MYO9A: variants seen among roughly 807,000 people sequenced by gnomAD.
MYO9A encodes the protein myosin IXA.
In MYO9A, 103 loss-of-function variants were observed where a neutral mutation model predicts 293.3. The ratio of observed to expected loss-of-function variants is 0.35; its 90% confidence interval spans 0.30 to 0.41. The LOEUF (loss-of-function observed/expected upper bound fraction) is 0.41, where lower values mean the gene tolerates loss of function less well. Ranked by LOEUF, MYO9A falls within the 10% of genes least tolerant of loss-of-function variation. The pLI, the probability that MYO9A is intolerant of heterozygous loss-of-function variation, is 1.00. For missense variants in MYO9A, 2,685 were observed against 3,033.0 expected (o/e 0.89, Z 2.69); for synonymous variants, 1,001 against 1,035.7 (o/e 0.97, Z 0.64).
intron 1 of MYO9A, among the ~76,000 whole-genome samples, chr15:72,086,323 T>G (rs186155273): frequency 1.3e-5 from 2 of 152,050 alleles, no homozygotes; most frequent in South Asian, 4.1e-4. Flanking sequence ...GTGTGCACCC[T>G]CTGTGCACAT....
intron 39 of MYO9A, chr15:71,847,298 TG>T (rs2055428786): frequency 3.0e-6 from 1 of 333,884 alleles, no homozygotes; most frequent in Non-Finnish European, 6.7e-6. Flanking sequence ...GAACCTGACT[TG>T]GGGCCGAACA....
At chr15:71,868,623 C>T (rs7403191) in intron 32 of MYO9A, among the ~76,000 whole-genome samples, 44,657 of 151,892 alleles carry the variant, frequency 0.29, 7,132 homozygotes, top group East Asian at 0.59. Flanking sequence ...CTACCATAGA[C>T]AGAGAAGGGT....
intron 1 of MYO9A, among the ~76,000 whole-genome samples, chr15:72,109,574 A>G (rs1217534726): frequency 6.6e-6 from 1 of 152,138 alleles, no homozygotes; most frequent in Non-Finnish European, 1.5e-5. Flanking sequence ...AAAAGAAAAC[A>G]GAGTTGCAAA....
At chr15:71,873,041 C>A (rs1385250871) in intron 32 of MYO9A, among the ~76,000 whole-genome samples, 1 of 151,596 alleles carries the variant, frequency 6.6e-6, no homozygotes, top group Non-Finnish European at 1.5e-5. Context: ...GCCTCCCGAG[C>A]AGCTGGGATT....
chr15:71,903,850 A>G lies in MYO9A; in HGVS notation c.2877+79T>C, dbSNP rs2057552798. 4.7e-6 allele frequency: 6 copies of G among 1,266,240 alleles called. No individual in the cohort carries two copies. In the Admixed American group the frequency reaches 6.4e-5, roughly 14 times the overall value. The allele number at this position is 1,266,240 out of a possible 1,614,324, so 78.4% of individuals were successfully genotyped here. ...GAATTAAGGAAAATAAGTAAGCCCC[A>G]AAGAAATAATAAGCAAGATATGTGG... On this transcript the variant is annotated intron_variant, in intron 21 of 41. Coordinates refer to ENST00000356056, the MANE Select transcript of MYO9A (RefSeq NM_006901.4).
intron 2 of MYO9A, chr15:72,045,247 T>C (rs1168423868): frequency 6.8e-6 from 1 of 146,200 alleles, no homozygotes; most frequent in Non-Finnish European, 1.5e-5. Context: ...ATATCTGAAA[T>C]GTCTTCTATC....
intron 1 of MYO9A, among the ~76,000 whole-genome samples, chr15:72,110,696 AT>A (rs547545843): frequency 0.011 from 1,654 of 152,250 alleles, 27 homozygotes; most frequent in African/African-American, 0.038. Flanking sequence ...TCTTTGCAGT[AT>A]TTTTTCAAAA....
chr15:72,078,612 G>A (rs1353949245), intron 1 of MYO9A, among the ~76,000 whole-genome samples: 1 of 149,302 alleles, frequency 6.7e-6, no homozygotes, highest in Non-Finnish European at 1.5e-5. Context: ...CCAGGAGTTT[G>A]GGGCCAGCCT....
intron 13 of MYO9A, among the ~76,000 whole-genome samples, chr15:71,964,801 A>T (rs2075831621): frequency 6.6e-6 from 1 of 151,596 alleles, no homozygotes; most frequent in South Asian, 2.1e-4. Context: ...ACAAAAACAA[A>T]AAAATTAGCC....
In MYO9A at chr15:71,978,257, G is replaced by C. The variant is rs946679922; in HGVS notation, c.1758C>G (p.Asn586Lys). The change falls in exon 12 of 42, where the codon AAC becomes AAG. Residue 586 changes from asparagine to lysine, a missense_variant. Physicochemically the swap from Asn to Lys is moderately conservative, Grantham distance 94. Transcript: ENST00000356056. Reference protein sequence around the residue: ...EYRTEGISWHNIDYIDNTCCI... With the variant: ...EYRTEGISWHKIDYIDNTCCI... ...AGCAGGTATTATCAATGTAATCTAT[G>C]TTGTGCCAGCTGATACCTTCAGTTC... 3 of 1,612,080 alleles carry C rather than the reference G, an allele frequency of 1.9e-6. No homozygotes were observed. In the African/African-American group the frequency reaches 4.0e-5, roughly 22 times the overall value.
chr15:72,001,167 G>A (rs2076853815), intron 8 of MYO9A, among the ~76,000 whole-genome samples: 1 of 152,032 alleles, frequency 6.6e-6, no homozygotes, highest in Non-Finnish European at 1.5e-5. Context: ...GCATGAAGTG[G>A]TAAAACAAGG....
At chr15:71,878,297 TAC>T in intron 30 of MYO9A, 66 bp from the exon 31 acceptor site, 1 of 1,154,102 alleles carries the variant, frequency 8.7e-7, no homozygotes, top group Non-Finnish European at 1.2e-6. Flanking sequence ...GAGGAAAGAT[TAC>T]ACTTGTAATG....
intron 7 of MYO9A, among the ~76,000 whole-genome samples, chr15:72,008,344 T>C (rs1351142557): frequency 6.6e-6 from 1 of 152,158 alleles, no homozygotes; most frequent in African/African-American, 2.4e-5. Flanking sequence ...TGAATCTGTA[T>C]TTTTTAAATC....
chr15:71,834,291 GAAT>G (rs1187980145), intron 39 of MYO9A, among the ~76,000 whole-genome samples: 2 of 152,004 alleles, frequency 1.3e-5, no homozygotes, highest in African/African-American at 4.8e-5. Flanking sequence ...TTAGGAATGT[GAAT>G]AATATTAAAG....
intron 39 of MYO9A, among the ~76,000 whole-genome samples, chr15:71,839,527 G>C (rs748037165): frequency 6.6e-6 from 1 of 152,026 alleles, no homozygotes; most frequent in Non-Finnish European, 1.5e-5. Flanking sequence ...TTCTACCTCA[G>C]TGTCCCCAAT....
intron 1 of MYO9A, among the ~76,000 whole-genome samples, chr15:72,080,765 C>T (rs543421732): frequency 6.6e-6 from 1 of 152,218 alleles, no homozygotes; most frequent in Non-Finnish European, 1.5e-5. Context: ...TCTGCTCCCA[C>T]CCTCCACCTC....
chr15:71,897,535 A>C lies in MYO9A; in HGVS notation c.4968T>G (p.Asn1656Lys). The C allele has an allele frequency of 6.2e-7, 1 of 1,614,164 alleles. No individual in the cohort carries two copies. Among genetic ancestry groups the C allele is most frequent in the Non-Finnish European group, 8.5e-7 (1 of 1,179,992 alleles). Residue 1656 changes from asparagine to lysine, a missense_variant, in exon 25 of 42, where the codon AAT becomes AAG. Coordinates refer to ENST00000356056, the MANE Select transcript of MYO9A (RefSeq NM_006901.4). ...HFRPTQSYSH[N>K]SDDLSREGNA... The stretch of plus-strand genomic sequence containing the variant: ...TTCCCTCTCTGGAAAGGTCATCAGA[A>C]TTGTGGCTGTAAGACTGAGTTGGCC...
chr15:71,900,291 C>T (rs1308594961), intron 23 of MYO9A, among the ~76,000 whole-genome samples: 1 of 151,880 alleles, frequency 6.6e-6, no homozygotes, highest in East Asian at 1.9e-4. Context: ...AAAAAATTAG[C>T]TGGGCGTGGT....
chr15:72,001,145 T>C (rs2076852812), intron 8 of MYO9A, among the ~76,000 whole-genome samples: 1 of 152,312 alleles, frequency 6.6e-6, no homozygotes, highest in Non-Finnish European at 1.5e-5. Flanking sequence ...TAGAATTTTG[T>C]CATGATGATG....
Sources: gnomAD v4.1 joint callset for allele counts (sites outside exome capture counted in the v4.1 genomes callset) on GRCh38, gnomAD v4.1.1 for gene constraint, MANE v1.5 for transcripts, NCBI Gene and HGNC (gene_info 2026-07-23, HGNC 2026-07-21) for gene names.